MTRF1: variants seen among roughly 807,000 people sequenced by gnomAD.
MTRF1 encodes peptide chain release factor 1, mitochondrial.
In MTRF1, 51 loss-of-function variants were observed where a neutral mutation model predicts 62.9. The ratio of observed to expected loss-of-function variants is 0.81; its 90% CI spans 0.65 to 1.02. The LOEUF (loss-of-function observed/expected upper bound fraction) is 1.02. Among genes scored for constraint, MTRF1 ranks in the 50% least tolerant of loss-of-function variants. The pLI is 0.00. For synonymous variants in MTRF1, 158 were observed against 181.9 expected (o/e 0.87, Z 1.06); for missense variants, 446 against 530.0 (o/e 0.84, Z 1.56).
chr13:41,257,787 G>A (rs2039922738), intron 2 of MTRF1: 1 of 450,816 alleles, frequency 2.2e-6, no homozygotes. Flanking sequence ...CACAGAGCAA[G>A]ACTCTGTCTC....
chr13:41,281,046 A>G, the MTRF1 span, among the ~76,000 whole-genome samples: 1 of 152,218 alleles, frequency 6.6e-6, no homozygotes, highest in African/African-American at 2.4e-5. Context: ...TGTATATCAT[A>G]CCAGCATTGT....
chr13:41,277,925 A>C, the MTRF1 span, among the ~76,000 whole-genome samples: 2 of 152,238 alleles, frequency 1.3e-5, no homozygotes, highest in Non-Finnish European at 2.9e-5. Context: ...ATATGACAGG[A>C]CACTGGGTCA....
intron 3 of MTRF1, among the ~76,000 whole-genome samples, chr13:41,253,915 G>A (rs1198235997): frequency 1.3e-5 from 2 of 152,132 alleles, no homozygotes; most frequent in African/African-American, 4.8e-5. Flanking sequence ...CGTGACAGAG[G>A]GAAACATGGT....
intron 9 of MTRF1, among the ~76,000 whole-genome samples, chr13:41,219,446 A>G (rs1384859000): frequency 6.6e-6 from 1 of 152,210 alleles, no homozygotes; most frequent in Non-Finnish European, 1.5e-5. Flanking sequence ...ACAAAGGTCA[A>G]AGATGAATGA....
chr13:41,273,103 G>T, the MTRF1 span, among the ~76,000 whole-genome samples: 23 of 152,052 alleles, frequency 1.5e-4, no homozygotes, highest in Admixed American at 1.5e-3. Flanking sequence ...GAGGCGGGTG[G>T]ATCACGAGGT....
chr13:41,259,716 A>AAAAC (rs2040207099), intron 2 of MTRF1, among the ~76,000 whole-genome samples: 3 of 145,600 alleles, frequency 2.1e-5, no homozygotes, highest in African/African-American at 8.1e-5. Flanking sequence ...AAAAAAAAAA[A>AAAAC]AAAAACATAA....
the MTRF1 span, among the ~76,000 whole-genome samples, chr13:41,273,162 T>TA: frequency 1.3e-5 from 2 of 151,806 alleles, no homozygotes; most frequent in Non-Finnish European, 2.9e-5. Flanking sequence ...CCGTCTCTAC[T>TA]AAAAATACAA....
chr13:41,239,433 A>T (rs1273763580), intron 6 of MTRF1, among the ~76,000 whole-genome samples: 1 of 152,220 alleles, frequency 6.6e-6, no homozygotes, highest in East Asian at 1.9e-4. Flanking sequence ...TGTATCCTTT[A>T]TAGTTCATTT....
chr13:41,221,434 AG>A (rs1257887692), intron 9 of MTRF1, among the ~76,000 whole-genome samples: 1 of 152,126 alleles, frequency 6.6e-6, no homozygotes, highest in African/African-American at 2.4e-5. Flanking sequence ...CGGGGATTAC[AG>A]GCGTGAGCCA....
intron 2 of MTRF1, among the ~76,000 whole-genome samples, chr13:41,256,164 C>G (rs906981434): frequency 3.8e-4 from 58 of 152,220 alleles, no homozygotes; most frequent in African/African-American, 1.4e-3. Context: ...GTGGCCCAGT[C>G]TGGTGGCAAA....
At chr13:41,227,366 G>T (rs1185641696) in intron 7 of MTRF1, among the ~76,000 whole-genome samples, 1 of 151,746 alleles carries the variant, frequency 6.6e-6, no homozygotes, top group African/African-American at 2.4e-5. Context: ...TTAAAAAGAA[G>T]AATTTATAGT....
chr13:41,262,273 AAGG>A (rs1312965183), intron 1 of MTRF1: 1 of 151,262 alleles, frequency 6.6e-6, no homozygotes, highest in Non-Finnish European at 1.5e-5. Context: ...CTGGGAGGCG[AAGG>A]TTGCAGTGAA....
chr13:41,250,414 T>C (rs1267297987), intron 5 of MTRF1, among the ~76,000 whole-genome samples: 2 of 152,226 alleles, frequency 1.3e-5, no homozygotes, highest in Non-Finnish European at 2.9e-5. Context: ...ACATTATCTC[T>C]GAGCTGACAG....
chr13:41,288,641 T>G, the MTRF1 span, among the ~76,000 whole-genome samples: 1 of 152,210 alleles, frequency 6.6e-6, no homozygotes, highest in African/African-American at 2.4e-5. Flanking sequence ...CCATTTGGTA[T>G]TGGAATACAC....
At chr13:41,265,283 G>A (rs990852122), upstream of MTRF1, among the ~76,000 whole-genome samples, 7 of 151,934 alleles carry the variant, frequency 4.6e-5, no homozygotes, top group African/African-American at 1.5e-4. Flanking sequence ...TTAGCTGGGC[G>A]TGGTGGCTCA....
Position 41,240,363 on chromosome 13 carries a change from C to T in MTRF1, c.768G>A (p.Gly256=), listed in dbSNP as rs1199013835. The change falls in exon 6 of 10, where the codon GGG becomes GGA. Residue 256 remains glycine, a synonymous_variant. Transcript: ENST00000379480. ...CGGGGATGCGCTGAACTCGGTGAAT[C>T]CCACCCTCATACTTCAAATGCTTAT... ...GVYKHLKYEG[G]IHRVQRIPEV... is the part of the protein sequence containing the mutation. 6.2e-7 allele frequency: 1 copy of T among 1,613,772 alleles called. No individual in the cohort carries two copies. The highest frequency in any genetic ancestry group is 1.3e-5 in the African/African-American group (1 of 74,882).
the MTRF1 span, among the ~76,000 whole-genome samples, chr13:41,274,944 G>A: frequency 2.0e-5 from 3 of 151,884 alleles, no homozygotes; most frequent in East Asian, 1.9e-4. Flanking sequence ...CTAGTGTACC[G>A]ACTTTAGAAA....
At chr13:41,222,941 G>A (rs774393145) in intron 9 of MTRF1, among the ~76,000 whole-genome samples, 9 of 152,098 alleles carry the variant, frequency 5.9e-5, no homozygotes, top group East Asian at 1.9e-4. Flanking sequence ...TGCTATATTC[G>A]TGGTAATTTG....
At chr13:41,243,750 C>G (rs1200409411) in intron 5 of MTRF1, among the ~76,000 whole-genome samples, 1 of 152,098 alleles carries the variant, frequency 6.6e-6, no homozygotes, top group East Asian at 1.9e-4. Flanking sequence ...TCTTCCCATA[C>G]CAAGAATCTT....
Sources: allele counts gnomAD v4.1 joint callset (sites outside exome capture counted in the v4.1 genomes callset), GRCh38; gene constraint gnomAD v4.1.1; transcripts MANE v1.5; gene names NCBI Gene and HGNC (gene_info 2026-07-23, HGNC 2026-07-21).